Variants in LINGO2 observed in about 807,000 individuals in gnomAD.
The protein encoded by LINGO2 is leucine rich repeat and Ig domain containing 2.
LINGO2 carries 14 observed loss-of-function variants against 30.6 expected under a neutral mutation model. The ratio of observed to expected loss-of-function variants is 0.46; its 90% CI spans 0.30 to 0.72. LINGO2 has a LOEUF of 0.72. Among genes scored for constraint, LINGO2 ranks in the 30% least tolerant of loss-of-function variants. LINGO2 has a pLI of 0.07. For missense variants in LINGO2, 729 were observed against 751.7 expected (o/e 0.97, Z 0.35); for synonymous variants, 317 against 288.5 (o/e 1.10, Z -1.00).
rs558232710 is a variant in LINGO2, at chr9:28,200,185, T to C, written c.-87+95023A>G. Reference sequence around the variant, plus strand: ...GCAATAAACATTTAAGCTAATGCAGTTCCTGCCAATAAGGGTTTTAAACTG... The same window carrying C: ...GCAATAAACATTTAAGCTAATGCAGCTCCTGCCAATAAGGGTTTTAAACTG... On this transcript the variant is annotated intron_variant, in intron 4 of 5. Transcript: ENST00000379992. 4.9e-4 allele frequency among the ~76,000 whole-genome samples: 75 copies of C among 152,312 alleles called. 1 individual carries two copies. The highest frequency in any genetic ancestry group is 1.8e-3 in the Admixed American group (27 of 15,308).
chr9:28,235,512 A>G (rs1370540698), intron 4 of LINGO2, among the ~76,000 whole-genome samples: 1 of 152,202 alleles, frequency 6.6e-6, no homozygotes, highest in Non-Finnish European at 1.5e-5. Flanking sequence ...ACCAGGGACA[A>G]TCCTGGAGAA....
At chr9:28,365,765 CTTTTTT>C (rs34259621) in intron 3 of LINGO2, among the ~76,000 whole-genome samples, 1 of 133,090 alleles carries the variant, frequency 7.5e-6, no homozygotes, top group Admixed American at 7.6e-5. Flanking sequence ...TTTGGATCCT[CTTTTTT>C]TTTTTTTTTT....
intron 3 of LINGO2, among the ~76,000 whole-genome samples, chr9:28,307,218 A>C (rs902882697): frequency 1.5e-4 from 23 of 152,126 alleles, no homozygotes; most frequent in Non-Finnish European, 2.5e-4. Context: ...ACACATCAAA[A>C]AGCTTATCCA....
intron 1 of LINGO2, among the ~76,000 whole-genome samples, chr9:28,485,968 G>C (rs1387428548): frequency 6.6e-6 from 1 of 152,044 alleles, no homozygotes; most frequent in African/African-American, 2.4e-5. Context: ...TCTTATTCTT[G>C]GTGTCTCTAC....
the LINGO2 span, among the ~76,000 whole-genome samples, chr9:29,113,643 C>T: frequency 2.0e-5 from 3 of 152,196 alleles, no homozygotes; most frequent in Non-Finnish European, 4.4e-5. Context: ...CCCACCTCAG[C>T]AGCAGACAAG....
chr9:28,965,824 A>T, the LINGO2 span, among the ~76,000 whole-genome samples: 2 of 152,166 alleles, frequency 1.3e-5, no homozygotes. Context: ...TAGAGAAACT[A>T]TAAGTAAATA....
chr9:27,959,968 G>A (rs973809118), intron 5 of LINGO2, among the ~76,000 whole-genome samples: 30 of 152,046 alleles, frequency 2.0e-4, no homozygotes, highest in Middle Eastern at 3.4e-3. Context: ...GCACATGCTC[G>A]ATTTCTGATG....
chr9:28,293,573 G>A (rs75536126), intron 4 of LINGO2, among the ~76,000 whole-genome samples: 2,090 of 152,096 alleles, frequency 0.014, 37 homozygotes, highest in African/African-American at 0.048. Flanking sequence ...TGGGTGGAGT[G>A]TTCTATAAAT....
intron 4 of LINGO2, among the ~76,000 whole-genome samples, chr9:28,223,308 C>T (rs1821031865): frequency 6.6e-6 from 1 of 152,194 alleles, no homozygotes; most frequent in African/African-American, 2.4e-5. Context: ...TCTGCCGTCT[C>T]ACATCCTCTG....
At chr9:28,990,525 G>C in the LINGO2 span, among the ~76,000 whole-genome samples, 1 of 152,190 alleles carries the variant, frequency 6.6e-6, no homozygotes, top group Non-Finnish European at 1.5e-5. Flanking sequence ...CATGCAGCTG[G>C]AGACCTGAGA....
chr9:28,224,621 A>G (rs1821084353), intron 4 of LINGO2, among the ~76,000 whole-genome samples: 1 of 152,080 alleles, frequency 6.6e-6, no homozygotes, highest in South Asian at 2.1e-4. Flanking sequence ...TTCTAACTGT[A>G]TTTTTGTACC....
intron 1 of LINGO2, among the ~76,000 whole-genome samples, chr9:28,507,612 G>A (rs1384999745): frequency 6.6e-6 from 1 of 151,974 alleles, no homozygotes; most frequent in African/African-American, 2.4e-5. Context: ...CTATATATAA[G>A]GTATGACTCA....
chr9:28,904,219 C>G, the LINGO2 span, among the ~76,000 whole-genome samples: 1 of 150,208 alleles, frequency 6.7e-6, no homozygotes, highest in Non-Finnish European at 1.5e-5. Flanking sequence ...TGCACCTCAA[C>G]ACAATAAAAG....
the LINGO2 span, among the ~76,000 whole-genome samples, chr9:28,888,458 A>G: frequency 6.6e-6 from 1 of 152,252 alleles, no homozygotes; most frequent in South Asian, 2.1e-4. Flanking sequence ...CAATCTCAAC[A>G]TTTATATACT....
chr9:29,109,783 A>G, the LINGO2 span, among the ~76,000 whole-genome samples: 3 of 152,340 alleles, frequency 2.0e-5, no homozygotes, highest in Admixed American at 2.0e-4. Flanking sequence ...AGTATTAGCT[A>G]AGTTGGTGAT....
intron 1 of LINGO2, among the ~76,000 whole-genome samples, chr9:28,594,927 G>C (rs1825103403): frequency 6.6e-6 from 1 of 152,104 alleles, no homozygotes; most frequent in Non-Finnish European, 1.5e-5. Flanking sequence ...AATTTGAAAT[G>C]ATGTCTGAAC....
chr9:29,054,389 T>C, the LINGO2 span, among the ~76,000 whole-genome samples: 7 of 152,226 alleles, frequency 4.6e-5, no homozygotes, highest in Admixed American at 2.0e-4. Context: ...GTTTCTTACA[T>C]GTTATTTTGA....
intron 1 of LINGO2, among the ~76,000 whole-genome samples, chr9:28,619,783 A>G (rs1826308724): frequency 6.6e-6 from 1 of 152,096 alleles, no homozygotes; most frequent in Non-Finnish European, 1.5e-5. Context: ...AAGTGGTAGT[A>G]ATTTCTTTGA....
chr9:28,159,234 A>G (rs779102559), intron 4 of LINGO2, among the ~76,000 whole-genome samples: 1 of 152,200 alleles, frequency 6.6e-6, no homozygotes, highest in Non-Finnish European at 1.5e-5. Context: ...TGAGCTAGAT[A>G]CTATTTTCCG....
Sources: gnomAD v4.1 joint callset for allele counts (sites outside exome capture counted in the v4.1 genomes callset) on GRCh38, gnomAD v4.1.1 for gene constraint, MANE v1.5 for transcripts, NCBI Gene and HGNC (gene_info 2026-07-23, HGNC 2026-07-21) for gene names.